Variants in HDAC4 observed in about 807,000 individuals in gnomAD.
HDAC4 encodes the protein histone deacetylase A.
Under a neutral mutation model 135.1 loss-of-function variants are expected in HDAC4, and 16 were observed. The observed-to-expected ratio is 0.12, with a 90% CI of 0.08 to 0.18. The LOEUF is 0.18. Ranked by LOEUF, HDAC4 falls within the 10% of genes least tolerant of loss-of-function variation. The pLI, the probability that HDAC4 is intolerant of heterozygous loss-of-function variation, is 1.00. For synonymous variants in HDAC4, 685 were observed against 653.4 expected, an observed-to-expected ratio of 1.05 and a Z score of -0.74; for missense variants, 1,143 against 1,511.8, an observed-to-expected ratio of 0.76 and a Z score of 4.05.
rs141652825 is a variant in HDAC4 at position 239,176,184 on chromosome 2, C to T, written c.490+229G>A. On this transcript the variant is annotated intron_variant, in intron 5 of 26. Transcript: ENST00000543185. ...CATGCCCCCACTCCCTCCCTCTGCC[C>T]GGCCTCCCTCCCTCTGCCCGGCCTT... Among the ~76,000 whole-genome samples, 418 of 151,636 alleles carry T rather than the reference C, an allele frequency of 2.8e-3. 2 individuals are homozygous for T. Among genetic ancestry groups the T allele is most frequent in the African/African-American group, 9.6e-3 (396 of 41,282 alleles).
chr2:239,281,069 G>A (rs1180164032), intron 2 of HDAC4, among the ~76,000 whole-genome samples: 3 of 114,186 alleles, frequency 2.6e-5, no homozygotes, highest in African/African-American at 1.0e-4. Context: ...CACTCTTAAT[G>A]TACACACGAC....
intron 3 of HDAC4, among the ~76,000 whole-genome samples, chr2:239,196,152 G>A (rs912402708): frequency 6.6e-6 from 1 of 151,602 alleles, no homozygotes; most frequent in African/African-American, 2.4e-5. Context: ...CTCTATGTGG[G>A]GGTGGGGGGA....
intron 25 of HDAC4, among the ~76,000 whole-genome samples, chr2:239,053,854 T>C (rs2031313495): frequency 6.6e-6 from 1 of 152,130 alleles, no homozygotes; most frequent in Non-Finnish European, 1.5e-5. Flanking sequence ...CACCTAGGAC[T>C]GCAGAGGGAG....
At chr2:239,177,255 G>A (rs776892451) in intron 4 of HDAC4, among the ~76,000 whole-genome samples, 1 of 152,214 alleles carries the variant, frequency 6.6e-6, no homozygotes, top group Non-Finnish European at 1.5e-5. Context: ...AAGACCCTCC[G>A]CTGAGCCTCT....
chr2:239,095,155 C>G (rs983610370), intron 16 of HDAC4, 99 bp from the exon 17 acceptor site: 2 of 1,293,162 alleles, frequency 1.5e-6, no homozygotes, highest in African/African-American at 1.5e-5. Context: ...GGCACTTGGG[C>G]ATTTGTGGGA....
At chr2:239,165,016 G>A (rs1488119896) in intron 5 of HDAC4, among the ~76,000 whole-genome samples, 3 of 152,058 alleles carry the variant, frequency 2.0e-5, no homozygotes, top group Non-Finnish European at 4.4e-5. Context: ...TGACCCCAGG[G>A]GTTCGAGACC....
At chr2:239,271,769 A>C (rs960140872) in intron 2 of HDAC4, among the ~76,000 whole-genome samples, 1 of 152,198 alleles carries the variant, frequency 6.6e-6, no homozygotes, top group Non-Finnish European at 1.5e-5. Flanking sequence ...TGTGTCCCAC[A>C]TTCAGAGTCC....
Position 239,236,644 on chromosome 2 carries a change from G to A in HDAC4, c.43C>T (p.Gln15Ter). The change falls in exon 3 of 27, where the codon CAG becomes TAG. Residue 15 changes from glutamine to a stop codon, truncating the protein, a stop_gained. Coordinates refer to ENST00000543185, the MANE Select transcript of HDAC4 (RefSeq NM_001378414.1). LOFTEE classifies it high-confidence loss of function. ...GCAGGATTCAGCAGCTCCACTGGCT[G>A]GTCTCGGCCAGAAAGTCCATCTGGA... ...SHPDGLSGRD[Q>*]PVELLNPARV... 1 of 1,551,690 alleles carries A rather than the reference G, an allele frequency of 6.4e-7. No individual in the cohort carries two copies. The highest frequency in any genetic ancestry group is 2.4e-5 in the East Asian group (1 of 40,924).
chr2:239,155,016 G>A (rs3791503), intron 7 of HDAC4: 105,605 of 152,210 alleles, frequency 0.69, 37,491 homozygotes, highest in South Asian at 0.79. Flanking sequence ...AGCCCGATAC[G>A]GCCCACTCCT....
At chr2:239,244,545 T>G (rs1423848680) in intron 2 of HDAC4, among the ~76,000 whole-genome samples, 1 of 152,108 alleles carries the variant, frequency 6.6e-6, no homozygotes, top group East Asian at 1.9e-4. Context: ...TGACCAGAGG[T>G]AGTAGAATTT....
At chr2:239,061,502 C>T (rs769184574) in intron 24 of HDAC4, among the ~76,000 whole-genome samples, 13 of 149,190 alleles carry the variant, frequency 8.7e-5, no homozygotes, top group African/African-American at 3.0e-4. Flanking sequence ...CGTGTGTGCA[C>T]GTGTGACTGG....
intron 3 of HDAC4, among the ~76,000 whole-genome samples, chr2:239,202,791 G>A (rs1365140527): frequency 1.3e-5 from 2 of 152,190 alleles, no homozygotes; most frequent in Admixed American, 6.5e-5. Context: ...CCCAGAAAAA[G>A]CTTTTCATCA....
At chr2:239,107,577 CGAA>C (rs1222194667) in intron 15 of HDAC4, among the ~76,000 whole-genome samples, 2 of 152,196 alleles carry the variant, frequency 1.3e-5, no homozygotes, top group African/African-American at 4.8e-5. Context: ...CCTGTGTTCT[CGAA>C]GAAGCTTTTC....
chr2:239,279,159 A>C (rs902538760), intron 2 of HDAC4, among the ~76,000 whole-genome samples: 3 of 152,186 alleles, frequency 2.0e-5, no homozygotes, highest in African/African-American at 7.2e-5. Context: ...CTCAAATTTC[A>C]TAATGGCTTT....
chr2:239,126,623 G>A lies in HDAC4; in HGVS notation c.1366C>T (p.Pro456Ser), dbSNP rs1199441819. 1.2e-6 allele frequency: 2 copies of A among 1,614,048 alleles called. No homozygotes were observed. Among genetic ancestry groups the A allele is most frequent in the Non-Finnish European group, 1.7e-6 (2 of 1,179,998 alleles). The change falls in exon 12 of 27, where the codon CCC becomes TCC. Residue 456 changes from proline to serine, a missense_variant. This residue lies in a region of HDAC4 where 272 missense variants were observed against 309.7 expected (regional missense o/e 0.88). Transcript: ENST00000543185. ...QSLVGADRVS[P>S]SIHKLRQHRP... ...TGCTGCCGCAGCTTGTGGATGGAGG[G>A]GGACACCCGGTCTGCACCAACCAAG...
At chr2:239,234,435 C>G (rs1301012015) in intron 3 of HDAC4, among the ~76,000 whole-genome samples, 1 of 152,124 alleles carries the variant, frequency 6.6e-6, no homozygotes, top group Admixed American at 6.5e-5. Context: ...GCGGCTCACC[C>G]CAAAGGAAGA....
chr2:239,113,835 C>T (rs2038895192), intron 13 of HDAC4, among the ~76,000 whole-genome samples: 1 of 152,180 alleles, frequency 6.6e-6, no homozygotes, highest in African/African-American at 2.4e-5. Context: ...GGCTTTCTCT[C>T]TCTGTCTTTG....
At chr2:239,288,664 A>T (rs1022026276) in intron 2 of HDAC4, among the ~76,000 whole-genome samples, 9 of 149,276 alleles carry the variant, frequency 6.0e-5, no homozygotes, top group Non-Finnish European at 1.0e-4. Context: ...AAACTTAATT[A>T]AAAAAAAAAC....
At chr2:239,111,504 C>G in intron 14 of HDAC4, 22 bp downstream of exon 14, 1 of 1,604,658 alleles carries the variant, frequency 6.2e-7, no homozygotes, top group African/African-American at 1.3e-5. Context: ...CACCCTCAGG[C>G]TGCACAAAGG....
Sources: gnomAD v4.1 joint callset for allele counts (sites outside exome capture counted in the v4.1 genomes callset) on GRCh38, gnomAD v4.1.1 for gene constraint, gnomAD v4.1.1 regional missense constraint, MANE v1.5 for transcripts, NCBI Gene and HGNC (gene_info 2026-07-23, HGNC 2026-07-21) for gene names.